Variants in SKI observed in about 807,000 individuals in gnomAD.
The protein encoded by SKI is ski oncogene.
Under a neutral mutation model 59.3 loss-of-function variants are expected in SKI, and 23 were observed. The observed-to-expected ratio is 0.39, with a 90% CI of 0.28 to 0.55. SKI has a LOEUF of 0.55. SKI is among the 20% of genes least tolerant of loss of function. SKI has a pLI of 0.67. For synonymous variants in SKI, 673 were observed against 488.6 expected (o/e 1.38, Z -4.98); for missense variants, 1,017 against 1,038.9 (o/e 0.98, Z 0.29).
intron 1 of SKI, among the ~76,000 whole-genome samples, chr1:2,273,793 G>A (rs1030256196): frequency 2.0e-5 from 3 of 152,202 alleles, no homozygotes; most frequent in African/African-American, 2.4e-5. Flanking sequence ...GCTGCAGGGG[G>A]CCTTGGGAGC....
chr1:2,246,607 G>A (rs751845329), intron 1 of SKI, among the ~76,000 whole-genome samples: 3 of 152,172 alleles, frequency 2.0e-5, no homozygotes, highest in Non-Finnish European at 2.9e-5. Flanking sequence ...AGCGCTGTCT[G>A]CAAGTCAGAC....
chr1:2,246,116 C>T (rs772115076), intron 1 of SKI, among the ~76,000 whole-genome samples: 11 of 152,134 alleles, frequency 7.2e-5, no homozygotes, highest in Non-Finnish European at 1.3e-4. Flanking sequence ...TTTAAAGAAC[C>T]GACTGTTTTT....
At chr1:2,240,649 A>G (rs1638850684) in intron 1 of SKI, 1 of 985,326 alleles carries the variant, frequency 1.0e-6, no homozygotes, top group South Asian at 4.7e-5. Context: ...TTAACAAGAA[A>G]ACTTGGAATT....
intron 1 of SKI, among the ~76,000 whole-genome samples, chr1:2,271,529 G>A (rs907560379): frequency 6.6e-6 from 1 of 152,160 alleles, no homozygotes; most frequent in Non-Finnish European, 1.5e-5. Flanking sequence ...TCCGCGGAGT[G>A]CCCGGCTGCC....
intron 1 of SKI, among the ~76,000 whole-genome samples, chr1:2,235,252 C>A (rs1638728694): frequency 6.6e-6 from 1 of 152,166 alleles, no homozygotes; most frequent in Admixed American, 6.5e-5. Context: ...CCATGTTGGC[C>A]AGCCTGGTCT....
rs1218003372 is a variant in SKI at position 2,267,666 on chromosome 1, CG to C, written c.970-35306del. Among the ~76,000 whole-genome samples the C allele has an allele frequency of 6.6e-6, 1 of 151,930 alleles. No individual in the cohort carries two copies. The highest frequency in any genetic ancestry group is 1.5e-5 in the Non-Finnish European group (1 of 67,974). On this transcript the variant is annotated intron_variant, in intron 1 of 6. Transcript: ENST00000378536. This position sits in a 1 kb window ranked among gnomAD's most constrained non-coding sequence, Gnocchi z 4.1. Reference sequence around the variant, plus strand: ...GCCTGGGAAAGGCTTGTTGTGGGGGCGGGGGGCGCACCACACTTCAGGGATG... The same window carrying C: ...GCCTGGGAAAGGCTTGTTGTGGGGGCGGGGGCGCACCACACTTCAGGGATG...
Position 2,303,109 on chromosome 1 carries a change from GTGGGGCC to G in SKI, c.1095+9_1095+15del. On this transcript the variant is annotated splice_region_variant and intron_variant, in intron 2 of 6. Transcript: ENST00000378536. The surrounding 1 kb of genome is among the most constrained non-coding windows in gnomAD (Gnocchi z 5.6). ...TGGCCGGCTCTTCCAATAAGGTGCTGTGGGGCCTGTCGGGGTCCTTGGGGTGGTGGGT... is the reference window on the plus strand; with the variant it reads ...TGGCCGGCTCTTCCAATAAGGTGCTGTGTCGGGGTCCTTGGGGTGGTGGGT... 6.2e-7 allele frequency: 1 copy of G among 1,613,244 alleles called. No individual in the cohort carries two copies. The highest frequency in any genetic ancestry group is 8.5e-7 in the Non-Finnish European group (1 of 1,180,034).
chr1:2,309,548 C>G lies in SKI; in HGVS notation c.*2783C>G, dbSNP rs1023429347. On this transcript the variant is annotated 3_prime_UTR_variant, in exon 7 of 7. Coordinates refer to ENST00000378536, the MANE Select transcript of SKI (RefSeq NM_003036.4). The stretch of plus-strand genomic sequence containing the variant: ...TCTTACCTGAGAGTTGTCTTGTTTT[C>G]TGGGCTGTTTTTAACTGAGGAAAAA... 2 of 151,996 alleles carry G rather than the reference C, an allele frequency of 1.3e-5. No homozygotes were observed. Among genetic ancestry groups the G allele is most frequent in the South Asian group, 2.1e-4 (1 of 4,830 alleles). The allele number at this position is 151,996 out of a possible 1,614,324, so 9.4% of individuals were successfully genotyped here. A position where few individuals can be genotyped will look rare whatever the true frequency, so the allele number is the denominator to read the frequency against.
intron 1 of SKI, among the ~76,000 whole-genome samples, chr1:2,265,971 GA>G (rs1569763001): frequency 1.3e-5 from 2 of 151,836 alleles, no homozygotes; most frequent in East Asian, 3.9e-4. Flanking sequence ...CTATCTCAAG[GA>G]AAAAAATAAA....
intron 1 of SKI, among the ~76,000 whole-genome samples, chr1:2,245,851 C>T (rs1486578152): frequency 4.0e-5 from 5 of 124,680 alleles, no homozygotes; most frequent in Non-Finnish European, 7.8e-5. Context: ...GGCCAGAGTG[C>T]GGTGGCACAG....
rs368791520 is a variant in SKI, at chr1:2,241,917, G to T, written c.969+12182G>T. Among the ~76,000 whole-genome samples the T allele has an allele frequency of 1.9e-4, 29 of 152,352 alleles. No individual in the cohort carries two copies. In the South Asian group the frequency reaches 5.6e-3, roughly 29 times the overall value. ...TTTCGGGACCCAGGGACAGCACTGCGTGCGATGGATGGGTCTTCCGTGCAT... is the reference window on the plus strand; with the variant it reads ...TTTCGGGACCCAGGGACAGCACTGCTTGCGATGGATGGGTCTTCCGTGCAT... On this transcript the variant is annotated intron_variant, in intron 1 of 6. Coordinates refer to ENST00000378536, the MANE Select transcript of SKI (RefSeq NM_003036.4).
Position 2,229,240 on chromosome 1 carries a change from G to C in SKI, c.474G>C (p.Leu158=), listed in dbSNP as rs1569658918. The C allele has an allele frequency of 6.2e-7, 1 of 1,605,144 alleles. No homozygotes were observed. Reference sequence around the variant, plus strand: ...GCTCGCGCTGCACGGCCGACCAGCTGGAGATCCTCAAAGTCATGGGCATCC... The same window carrying C: ...GCTCGCGCTGCACGGCCGACCAGCTCGAGATCCTCAAAGTCATGGGCATCC... ...IYCSRCTADQ[L]EILKVMGILP... The change falls in exon 1 of 7, where the codon CTG becomes CTC. Residue 158 remains leucine (L), a synonymous_variant. Coordinates refer to ENST00000378536, the MANE Select transcript of SKI (RefSeq NM_003036.4). The surrounding 1 kb of genome is among the most constrained non-coding windows in gnomAD (Gnocchi z 6.3).
chr1:2,285,068 T>C (rs1238471320), intron 1 of SKI, among the ~76,000 whole-genome samples: 1 of 152,160 alleles, frequency 6.6e-6, no homozygotes, highest in Non-Finnish European at 1.5e-5. Flanking sequence ...GGGGCAGTCG[T>C]GGCCAGGGTC....
chr1:2,282,869 C>T (rs991745163), intron 1 of SKI, among the ~76,000 whole-genome samples: 1 of 152,210 alleles, frequency 6.6e-6, no homozygotes, highest in Non-Finnish European at 1.5e-5. Flanking sequence ...CCTGTCACCC[C>T]GGTGTGGGCC....
chr1:2,266,408 TC>T (rs368290041), intron 1 of SKI, among the ~76,000 whole-genome samples: 3 of 152,312 alleles, frequency 2.0e-5, no homozygotes, highest in Non-Finnish European at 4.4e-5. Flanking sequence ...CGCCATGCTC[TC>T]CCTGAATTGT....
At chr1:2,231,331 G>A (rs938654158) in intron 1 of SKI, among the ~76,000 whole-genome samples, 13 of 152,210 alleles carry the variant, frequency 8.5e-5, no homozygotes, top group Non-Finnish European at 1.8e-4. Flanking sequence ...GATGGCAGAG[G>A]ATCTCGGTTG....
intron 1 of SKI, chr1:2,247,899 G>C (rs1292407050): frequency 6.6e-6 from 1 of 152,240 alleles, no homozygotes; most frequent in Admixed American, 6.5e-5. Flanking sequence ...AGCTGGGACA[G>C]CCCTTGGACG....
intron 1 of SKI, among the ~76,000 whole-genome samples, chr1:2,282,639 C>T (rs1245303207): frequency 6.6e-6 from 1 of 152,206 alleles, no homozygotes; most frequent in Non-Finnish European, 1.5e-5. Flanking sequence ...TTGCTTCCCC[C>T]AAGCCCGCTG....
intron 6 of SKI, 122 bp from the exon 7 acceptor site, chr1:2,306,455 G>C (rs989578804): frequency 2.7e-6 from 3 of 1,114,046 alleles, no homozygotes; most frequent in East Asian, 2.6e-5. Flanking sequence ...AGGTGGAGGA[G>C]GGGCCGGCAC....
Sources: allele counts gnomAD v4.1 joint callset (sites outside exome capture counted in the v4.1 genomes callset), GRCh38; gene constraint gnomAD v4.1.1; non-coding constraint Gnocchi (gnomAD v3.1); transcripts MANE v1.5; gene names NCBI Gene and HGNC (gene_info 2026-07-23, HGNC 2026-07-21).